SCFD2: variants seen among roughly 807,000 people sequenced by gnomAD.
The protein encoded by SCFD2 is sec1 family domain-containing protein 2.
SCFD2 carries 54 observed loss-of-function variants against 58.9 expected under a neutral mutation model. That is an observed-to-expected ratio of 0.92 (90% CI 0.74 to 1.15). The LOEUF (loss-of-function observed/expected upper bound fraction) is 1.15. SCFD2 is among the 50% of genes most tolerant of loss of function. SCFD2 has a pLI of 0.00. For missense variants in SCFD2, 805 were observed against 836.6 expected (o/e 0.96, Z 0.47); for synonymous variants, 321 against 335.9 (o/e 0.96, Z 0.49).
chr4:53,055,244 G>C (rs1344965842), intron 5 of SCFD2, among the ~76,000 whole-genome samples: 1 of 152,096 alleles, frequency 6.6e-6, no homozygotes, highest in Non-Finnish European at 1.5e-5. Context: ...ACTTGCTAGG[G>C]TCACACAGAC....
chr4:53,141,610 A>G (rs1427987690), intron 5 of SCFD2, among the ~76,000 whole-genome samples: 1 of 152,072 alleles, frequency 6.6e-6, no homozygotes, highest in African/African-American at 2.4e-5. Flanking sequence ...CACAAAGTCA[A>G]TGTTGTGATA....
At chr4:52,962,540 G>A (rs1314578737) in intron 5 of SCFD2, among the ~76,000 whole-genome samples, 1 of 152,148 alleles carries the variant, frequency 6.6e-6, no homozygotes. Context: ...AGCATAGCTG[G>A]GCTGGGAATG....
At chr4:53,334,658 G>A (rs1036670833) in intron 2 of SCFD2, among the ~76,000 whole-genome samples, 4 of 151,546 alleles carry the variant, frequency 2.6e-5, no homozygotes, top group Non-Finnish European at 4.4e-5. Context: ...GCTAGATGAC[G>A]AGTTAGTGGG....
rs189098618 is a variant in SCFD2, at chr4:53,197,845, T to C, written c.1312-52263A>G. Among the ~76,000 whole-genome samples the C allele has an allele frequency of 4.0e-5, 6 of 151,560 alleles. No homozygotes were observed. In the East Asian group the frequency reaches 1.2e-3, roughly 29 times the overall value. On this transcript the variant is annotated intron_variant, in intron 4 of 8. Coordinates refer to ENST00000401642, the MANE Select transcript of SCFD2 (RefSeq NM_152540.4). ...CACAAGTCAATGTAACCTATGCTAA[T>C]GAGATGTTAATTTCAAAAATATGGG... is the stretch of plus-strand genomic sequence containing the variant.
chr4:52,876,027 G>A (rs1718465555), intron 8 of SCFD2, among the ~76,000 whole-genome samples: 1 of 151,690 alleles, frequency 6.6e-6, no homozygotes, highest in African/African-American at 2.4e-5. Flanking sequence ...TGTCTCCCGA[G>A]AGGGTCTCTA....
At chr4:53,168,343 G>A (rs554353256) in intron 4 of SCFD2, among the ~76,000 whole-genome samples, 116 of 152,234 alleles carry the variant, frequency 7.6e-4, no homozygotes, top group African/African-American at 2.7e-3. Context: ...AATGCTCTTT[G>A]AAGGAAACCA....
chr4:53,089,455 A>G (rs545850578), intron 5 of SCFD2, among the ~76,000 whole-genome samples: 35 of 151,220 alleles, frequency 2.3e-4, no homozygotes, highest in African/African-American at 8.2e-4. Context: ...ATCATGATGC[A>G]GGTAACTAAA....
intron 3 of SCFD2, among the ~76,000 whole-genome samples, chr4:53,294,205 T>G (rs535086884): frequency 6.6e-6 from 1 of 152,318 alleles, no homozygotes; most frequent in South Asian, 2.1e-4. Context: ...TCTAGATCCT[T>G]GAGGAATCAC....
chr4:53,202,633 C>T (rs1302930415), intron 4 of SCFD2, among the ~76,000 whole-genome samples: 4 of 152,260 alleles, frequency 2.6e-5, no homozygotes, highest in East Asian at 1.9e-4. Flanking sequence ...GCCATTTTCA[C>T]GATATTGATT....
chr4:53,006,412 T>A (rs1405775917), intron 5 of SCFD2, among the ~76,000 whole-genome samples: 1 of 152,196 alleles, frequency 6.6e-6, no homozygotes, highest in Non-Finnish European at 1.5e-5. Context: ...TCGCCTTTCA[T>A]CAAAAATAGG....
intron 5 of SCFD2, among the ~76,000 whole-genome samples, chr4:53,141,326 T>A (rs893716283): frequency 1.3e-5 from 2 of 152,130 alleles, no homozygotes; most frequent in African/African-American, 4.8e-5. Context: ...TATACATATA[T>A]CTCTCTAATT....
intron 5 of SCFD2, among the ~76,000 whole-genome samples, chr4:52,927,672 A>C (rs1252249850): frequency 6.6e-6 from 1 of 152,216 alleles, no homozygotes; most frequent in Non-Finnish European, 1.5e-5. Context: ...ACTGGCACAC[A>C]CAGGTTTGAG....
At chr4:53,089,507 A>T (rs2148865173) in intron 5 of SCFD2, among the ~76,000 whole-genome samples, 1 of 152,330 alleles carries the variant, frequency 6.6e-6, no homozygotes, top group South Asian at 2.1e-4. Context: ...TTTGACAAAT[A>T]ACTGAATATG....
rs573003382 is a variant in SCFD2 at position 53,239,514 on chromosome 4, C to T, written c.1311+34312G>A. Among the ~76,000 whole-genome samples, 29 of 152,190 alleles carry T rather than the reference C, an allele frequency of 1.9e-4. 1 individual carries two copies. The South Asian group carries it at 2.3e-3, about 12-fold the overall frequency. Reference sequence around the variant, plus strand: ...TCACTGTTTTAATAAGACGGAGTTTCGCTCTTGTTGCCCAAGCTGGAGTGC... The same window carrying T: ...TCACTGTTTTAATAAGACGGAGTTTTGCTCTTGTTGCCCAAGCTGGAGTGC... On this transcript the variant is annotated intron_variant, in intron 4 of 8. Transcript: ENST00000401642.
chr4:53,098,076 A>G lies in SCFD2; in HGVS notation c.1561+47257T>C, dbSNP rs547287106. 2.6e-5 allele frequency among the ~76,000 whole-genome samples: 4 copies of G among 152,180 alleles called. No homozygotes were observed. The South Asian group carries it at 8.3e-4, about 31-fold the overall frequency. On this transcript the variant is annotated intron_variant, in intron 5 of 8. Transcript: ENST00000401642. ...TCCCAGGGATGAAGCCCACTTGATC[A>G]TGGTGGATAAGCTTTTTGATGTGCT...
At chr4:52,972,106 A>G (rs981783110) in intron 5 of SCFD2, among the ~76,000 whole-genome samples, 6 of 152,238 alleles carry the variant, frequency 3.9e-5, no homozygotes, top group African/African-American at 1.2e-4. Flanking sequence ...AAACTGCATC[A>G]ATTAACAAGC....
intron 7 of SCFD2, among the ~76,000 whole-genome samples, chr4:52,892,274 C>T (rs1291542494): frequency 9.2e-5 from 14 of 152,210 alleles, no homozygotes; most frequent in East Asian, 1.9e-4. Context: ...TTCATCCCTG[C>T]CCCCTTGTCC....
intron 2 of SCFD2, among the ~76,000 whole-genome samples, chr4:53,315,782 C>T (rs1732844023): frequency 6.6e-6 from 1 of 152,172 alleles, no homozygotes; most frequent in Non-Finnish European, 1.5e-5. Context: ...CAACCCAGAA[C>T]TTTCAGAGTA....
intron 3 of SCFD2, among the ~76,000 whole-genome samples, chr4:53,293,551 A>C (rs1374851973): frequency 6.6e-6 from 1 of 152,174 alleles, no homozygotes; most frequent in Non-Finnish European, 1.5e-5. Context: ...CAAATGATGC[A>C]AAAAAAGCAT....
Sources: allele counts gnomAD v4.1 joint callset (sites outside exome capture counted in the v4.1 genomes callset), GRCh38; gene constraint gnomAD v4.1.1; transcripts MANE v1.5; gene names NCBI Gene and HGNC (gene_info 2026-07-23, HGNC 2026-07-21).